Variants in IL4R observed in about 807,000 individuals in gnomAD.
IL4R encodes the protein interleukin-4 receptor subunit alpha.
A neutral mutation model predicts 41.5 loss-of-function variants in IL4R; 17 were observed. That is an observed-to-expected ratio of 0.41 (90% CI 0.28 to 0.61). The LOEUF (loss-of-function observed/expected upper bound fraction) is 0.61. IL4R is among the 20% of genes least tolerant of loss of function. The pLI is 0.31. For synonymous variants in IL4R, 402 were observed against 422.9 expected (o/e 0.95, Z 0.61); for missense variants, 974 against 1,043.1 (o/e 0.93, Z 0.91).
Position 27,345,179 on chromosome 16 carries a change from C to T in IL4R, c.361+159C>T, listed in dbSNP as rs1236055593. ...GATGGGATTCCTGCCCCTGCCTGGG[C>T]CTCAGTCCTCCCACCTTTGAAACGG... is the stretch of plus-strand genomic sequence containing the variant. On this transcript the variant is annotated intron_variant, in intron 5 of 10. Transcript: ENST00000395762. This position sits in a 1 kb window ranked among gnomAD's most constrained non-coding sequence, Gnocchi z 4.5. The T allele has an allele frequency of 1.2e-6, 1 of 807,594 alleles. No individual in the cohort carries two copies. Among genetic ancestry groups the T allele is most frequent in the African/African-American group, 1.7e-5 (1 of 59,390 alleles). The allele number at this position is 807,594 out of a possible 1,614,324, so 50.0% of individuals were successfully genotyped here.
rs1241712642 is a variant in IL4R, at chr16:27,341,169, G to C, written c.70+896G>C. 3 of 695,206 alleles carry C rather than the reference G, an allele frequency of 4.3e-6. No homozygotes were observed. The East Asian group carries it at 8.1e-5, about 19-fold the overall frequency. 43.1% of individuals were successfully genotyped at this position (695,206 alleles called of 1,614,324 possible). A position where few individuals can be genotyped will look rare whatever the true frequency, so the allele number is the denominator to read the frequency against. Reference sequence around the variant, plus strand: ...GAGATGAGAGGCTCCGGATCCCTCTGGGAGGTAGATTTGAGGACAGATTGG... The same window carrying C: ...GAGATGAGAGGCTCCGGATCCCTCTCGGAGGTAGATTTGAGGACAGATTGG... On this transcript the variant is annotated intron_variant, in intron 3 of 10. Coordinates refer to ENST00000395762, the MANE Select transcript of IL4R (RefSeq NM_000418.4).
intron 1 of IL4R, among the ~76,000 whole-genome samples, chr16:27,327,343 G>A (rs555353256): frequency 2.3e-4 from 35 of 152,194 alleles, no homozygotes; most frequent in African/African-American, 7.9e-4. Flanking sequence ...CTGTGGGTTC[G>A]GGAAGAGTCC....
chr16:27,344,754 C>T lies in IL4R; in HGVS notation c.210-115C>T, dbSNP rs565258570. The T allele has an allele frequency of 2.2e-4, 248 of 1,105,082 alleles. No individual in the cohort carries two copies. The East Asian group carries it at 6.0e-3, about 27-fold the overall frequency. 68.5% of individuals were successfully genotyped at this position (1,105,082 alleles called of 1,614,324 possible). ...AAGCCCCCAGATCTGTCCTCACATC[C>T]GTGATCGGGAAGCTGGAAGAGTCTG... On this transcript the variant is annotated intron_variant, in intron 4 of 10. Coordinates refer to ENST00000395762, the MANE Select transcript of IL4R (RefSeq NM_000418.4).
chr16:27,336,644 C>T (rs1357935949), intron 2 of IL4R, among the ~76,000 whole-genome samples: 2 of 142,164 alleles, frequency 1.4e-5, no homozygotes, highest in Admixed American at 1.4e-4. Flanking sequence ...TGCCACTACA[C>T]TCTAGCTTGG....
chr16:27,319,983 G>A (rs2084764481), intron 1 of IL4R, among the ~76,000 whole-genome samples: 1 of 152,110 alleles, frequency 6.6e-6, no homozygotes. Flanking sequence ...TGATTCTCCT[G>A]CCTCAGCCTG....
Position 27,345,173 on chromosome 16 carries a change from C to A in IL4R, c.361+153C>A. 1.2e-6 allele frequency: 1 copy of A among 859,068 alleles called. No individual in the cohort carries two copies. Among genetic ancestry groups the A allele is most frequent in the Non-Finnish European group, 1.9e-6 (1 of 529,308 alleles). The allele number at this position is 859,068 out of a possible 1,614,324, so 53.2% of individuals were successfully genotyped here. ...AAATCTGATGGGATTCCTGCCCCTG[C>A]CTGGGCCTCAGTCCTCCCACCTTTG... On this transcript the variant is annotated intron_variant, in intron 5 of 10. Transcript: ENST00000395762. The surrounding 1 kb of genome is among the most constrained non-coding windows in gnomAD (Gnocchi z 4.5).
rs368634775 is a variant in IL4R, at chr16:27,358,997, A to G, written c.849+3A>G. On this transcript the variant is annotated splice_donor_region_variant and intron_variant, in intron 9 of 10. Coordinates refer to ENST00000395762, the MANE Select transcript of IL4R (RefSeq NM_000418.4). Reference sequence around the variant, plus strand: ...CTATAATAATCCAGGATGCTCAGGTAGGAGTAGGCGTGGATGAGGACATGT... The same window carrying G: ...CTATAATAATCCAGGATGCTCAGGTGGGAGTAGGCGTGGATGAGGACATGT... The G allele has an allele frequency of 1.2e-6, 2 of 1,611,402 alleles. No homozygotes were observed. The highest frequency in any genetic ancestry group is 1.1e-5 in the South Asian group (1 of 91,016).
chr16:27,314,075 C>T, intron 1 of IL4R, 55 bp downstream of exon 1: 1 of 985,132 alleles, frequency 1.0e-6, no homozygotes, highest in South Asian at 4.7e-5. Flanking sequence ...CCCGGGCACG[C>T]CGGCTGAGGG....
At chr16:27,343,674 C>T (rs920763698) in intron 4 of IL4R, among the ~76,000 whole-genome samples, 6 of 152,116 alleles carry the variant, frequency 3.9e-5, no homozygotes, top group African/African-American at 1.2e-4. Flanking sequence ...GTGATCCACC[C>T]GCCTCAGCGT....
At chr16:27,350,727 A>C (rs1202056392) in intron 6 of IL4R, among the ~76,000 whole-genome samples, 1 of 152,208 alleles carries the variant, frequency 6.6e-6, no homozygotes, top group African/African-American at 2.4e-5. Context: ...ATAGTTACAC[A>C]AAATAAAAAT....
chr16:27,360,216 G>A (rs1010311811), intron 9 of IL4R, among the ~76,000 whole-genome samples: 1 of 152,284 alleles, frequency 6.6e-6, no homozygotes, highest in Non-Finnish European at 1.5e-5. Context: ...GTTTCTTCAT[G>A]TCGGTCAGGC....
Position 27,363,271 on chromosome 16 carries a change from G to A in IL4R, c.1919G>A (p.Gly640Asp), listed in dbSNP as rs2086370679. 6.2e-7 allele frequency: 1 copy of A among 1,601,576 alleles called. No homozygotes were observed. The highest frequency in any genetic ancestry group is 8.5e-7 in the Non-Finnish European group (1 of 1,173,080). The change falls in exon 11 of 11, where the codon GGC becomes GAC. Residue 640 changes from glycine (G) to aspartate (D), a missense_variant. Gly to Asp is a moderately conservative substitution (Grantham distance 94, BLOSUM62 -1). Transcript: ENST00000395762. ...AAGCCTTTCCAAGACCTCATTCCTG[G>A]CTGCCCTGGGGACCCTGCCCCAGTC... Reference protein sequence around the residue: ...GYKPFQDLIPGCPGDPAPVPV... With the variant: ...GYKPFQDLIPDCPGDPAPVPV...
intron 1 of IL4R, among the ~76,000 whole-genome samples, chr16:27,327,146 C>T (rs958851350): frequency 1.3e-5 from 2 of 152,146 alleles, no homozygotes; most frequent in East Asian, 1.9e-4. Flanking sequence ...CCCCAGCCCC[C>T]ACCCGAGGCC....
At chr16:27,325,077 T>G (rs1037979785) in intron 1 of IL4R, among the ~76,000 whole-genome samples, 1 of 152,188 alleles carries the variant, frequency 6.6e-6, no homozygotes, top group Non-Finnish European at 1.5e-5. Flanking sequence ...GAGACAGAGT[T>G]TGAGTCTACT....
chr16:27,339,882 C>A (rs952516860), intron 2 of IL4R, among the ~76,000 whole-genome samples: 1 of 152,080 alleles, frequency 6.6e-6, no homozygotes, highest in Non-Finnish European at 1.5e-5. Context: ...CATGGTGAAA[C>A]CCCGTCTCTA....
At chr16:27,319,664 CA>C (rs1271793443) in intron 1 of IL4R, among the ~76,000 whole-genome samples, 2 of 152,096 alleles carry the variant, frequency 1.3e-5, no homozygotes, top group African/African-American at 4.8e-5. Flanking sequence ...TGTCTCAGAC[CA>C]GGGGTCCCCA....
Position 27,315,304 on chromosome 16 carries a change from G to C in IL4R, c.-152+1284G>C, listed in dbSNP as rs533765982. On this transcript the variant is annotated intron_variant, in intron 1 of 10. Coordinates refer to ENST00000395762, the MANE Select transcript of IL4R (RefSeq NM_000418.4). ...GTCCTGCAGGGGTTTCTTAGAACTC[G>C]GCTAGCCCAGCCCATGAATGGGAGG... 60 of 152,436 alleles carry C rather than the reference G, an allele frequency of 3.9e-4. 1 individual carries two copies. The highest frequency in any genetic ancestry group is 1.4e-3 in the African/African-American group (57 of 41,568). 9.4% of individuals were successfully genotyped at this position (152,436 alleles called of 1,614,324 possible).
chr16:27,337,897 T>G (rs938052273), intron 2 of IL4R, among the ~76,000 whole-genome samples: 2 of 150,752 alleles, frequency 1.3e-5, no homozygotes, highest in African/African-American at 4.9e-5. Flanking sequence ...GTACCAGGAG[T>G]GCTGGGGAAA....
chr16:27,356,179 C>A (rs1310133913), intron 8 of IL4R, among the ~76,000 whole-genome samples: 1 of 151,480 alleles, frequency 6.6e-6, no homozygotes, highest in Non-Finnish European at 1.5e-5. Context: ...GTAACCTCCG[C>A]CTCCCGGGTT....
Sources: allele counts gnomAD v4.1 joint callset (sites outside exome capture counted in the v4.1 genomes callset), GRCh38; gene constraint gnomAD v4.1.1; non-coding constraint Gnocchi (gnomAD v3.1); transcripts MANE v1.5; gene names NCBI Gene and HGNC (gene_info 2026-07-23, HGNC 2026-07-21).